The following CHRNA2 variants were observed in gnomAD, a reference collection of about 807,000 sequenced individuals.
CHRNA2 encodes neuronal acetylcholine receptor subunit alpha-2.
CHRNA2 carries 40 observed loss-of-function variants against 45.5 expected under a neutral mutation model. The observed-to-expected ratio is 0.88, with a 90% confidence interval of 0.68 to 1.15. The LOEUF (loss-of-function observed/expected upper bound fraction) is 1.15, where lower values mean the gene tolerates loss of function less well. Ranked by LOEUF, CHRNA2 falls within the 50% of genes most tolerant of loss-of-function variation. The pLI is 0.00. For missense variants in CHRNA2, 655 were observed against 701.7 expected (o/e 0.93, Z 0.75); for synonymous variants, 301 against 296.7 (o/e 1.01, Z -0.15).
At position 27,472,932 on chromosome 8, in the gene CHRNA2, AG is replaced by A. The variant is rs1161136062; in HGVS notation, c.-136-1739del. Among the ~76,000 whole-genome samples the A allele has an allele frequency of 6.6e-5, 10 of 152,348 alleles. 1 individual carries two copies. Among genetic ancestry groups the A allele is most frequent in the South Asian group, 6.2e-4 (3 of 4,820 alleles). On this transcript the variant is annotated intron_variant, in intron 1 of 6. Transcript: ENST00000407991. ...CCAAACATGGAGAATCAATACACAA[AG>A]GGTTCTAGTGACCAGAAGGACACAG... is the stretch of plus-strand genomic sequence containing the variant.
At chr8:27,474,619 G>A (rs1330594052) in intron 1 of CHRNA2, among the ~76,000 whole-genome samples, 1 of 152,252 alleles carries the variant, frequency 6.6e-6, no homozygotes, top group Admixed American at 6.5e-5. Context: ...AGGGGGAGAA[G>A]CAGGGAGTCC....
chr8:27,465,233 C>A (rs779942070), intron 5 of CHRNA2, among the ~76,000 whole-genome samples: 3 of 152,118 alleles, frequency 2.0e-5, no homozygotes, highest in Non-Finnish European at 4.4e-5. Flanking sequence ...CAGGAGGTGG[C>A]TCGGTGGGCT....
rs1026907611 is a variant in CHRNA2 at position 27,466,842 on chromosome 8, C to T, written c.449+387G>A. On this transcript the variant is annotated intron_variant, in intron 5 of 6. Coordinates refer to ENST00000407991, the MANE Select transcript of CHRNA2 (RefSeq NM_000742.4). ...AAAAGGAAACTGCATACCAAGTGAGCACATGCCCTTTGAAGGTGCTGGCCC... is the reference window on the plus strand; with the variant it reads ...AAAAGGAAACTGCATACCAAGTGAGTACATGCCCTTTGAAGGTGCTGGCCC... Among the ~76,000 whole-genome samples the T allele has an allele frequency of 1.6e-4, 24 of 152,170 alleles. 1 individual carries two copies. Among genetic ancestry groups the T allele is most frequent in the Non-Finnish European group, 1.0e-4 (7 of 68,040 alleles).
intron 5 of CHRNA2, among the ~76,000 whole-genome samples, chr8:27,465,360 TCC>T (rs140942802): frequency 6.6e-6 from 1 of 152,124 alleles, no homozygotes; most frequent in East Asian, 1.9e-4. Flanking sequence ...ATGGAGTAGT[TCC>T]ATGGTAGAGA....
Position 27,473,834 on chromosome 8 carries a change from A to G in CHRNA2, c.-136-2640T>C, listed in dbSNP as rs571764482. ...CCGTCCACTCTGACACAGACTCTCA[A>G]CAGTGTTTCCAGCATCACTAATCCT... On this transcript the variant is annotated intron_variant, in intron 1 of 6. Coordinates refer to ENST00000407991, the MANE Select transcript of CHRNA2 (RefSeq NM_000742.4). Among the ~76,000 whole-genome samples the G allele has an allele frequency of 2.6e-5, 4 of 152,300 alleles. No individual in the cohort carries two copies. In the East Asian group the frequency reaches 7.7e-4, roughly 29 times the overall value.
Position 27,463,912 on chromosome 8 carries a change from G to C in CHRNA2, c.531C>G (p.Ala177=). 6.2e-7 allele frequency: 1 copy of C among 1,614,218 alleles called. No homozygotes were observed. The highest frequency in any genetic ancestry group is 8.5e-7 in the Non-Finnish European group (1 of 1,180,038). The change falls in exon 6 of 7, where the codon GCC becomes GCG. Residue 177 remains alanine (A), a synonymous_variant. Transcript: ENST00000407991. This position sits in a 1 kb window ranked among gnomAD's most constrained non-coding sequence, Gnocchi z 6.1. ...CGATGCTGCAGGAGCTCTTGTAGAT[G>C]GCCGGGGGCACCCAGTGCACAGTGC... ...STGTVHWVPP[A]IYKSSCSIDV...
Position 27,461,651 on chromosome 8 carries a change from G to C in CHRNA2, c.1568C>G (p.Pro523Arg). The change falls in exon 7 of 7, where the codon CCG (proline) becomes CGG (arginine). Residue 523 changes from proline (P) to arginine (R), a missense_variant. Physicochemically the swap from Pro to Arg is moderately radical, Grantham distance 103 (BLOSUM62 -2). Transcript: ENST00000407991. ...CAGTCAGATCATTCCAGCTAGGAAC[G>C]GAGGCAGAAAGAGGCCGATGGTCCC... ...FLGTIGLFLP[P>R]FLAGMI The C allele has an allele frequency of 6.2e-7, 1 of 1,614,242 alleles. No individual in the cohort carries two copies.
Position 27,463,282 on chromosome 8 carries a change from C to A in CHRNA2, c.1161G>T (p.Val387=). 2 of 1,608,552 alleles carry A rather than the reference C, an allele frequency of 1.2e-6. No homozygotes were observed. Among genetic ancestry groups the A allele is most frequent in the Middle Eastern group, 1.7e-4 (1 of 6,030 alleles). The stretch of plus-strand genomic sequence containing the variant: ...TCAGGCGTAGGGGGTGGCAGAGCTC[C>A]ACGGGTGGTGGGGGCCGGTTCATCA... ...WLLMNRPPPP[V]ELCHPLRLKL... is the part of the protein sequence containing the mutation. Residue 387 remains valine, a synonymous_variant, in exon 6 of 7, where the codon GTG becomes GTT. Transcript: ENST00000407991. The surrounding 1 kb of genome is among the most constrained non-coding windows in gnomAD (Gnocchi z 6.1).
intron 1 of CHRNA2, among the ~76,000 whole-genome samples, chr8:27,473,523 G>GGCC (rs1563325463): frequency 1.2e-5 from 1 of 82,718 alleles, no homozygotes; most frequent in Admixed American, 1.2e-4. Flanking sequence ...AACATAGTGA[G>GGCC]ACCCCCCCCG....
intron 2 of CHRNA2, 190 bp from the exon 3 acceptor site, chr8:27,470,171 T>G (rs1189488528): frequency 3.0e-6 from 2 of 662,946 alleles, no homozygotes; most frequent in South Asian, 1.7e-5. Context: ...TTTGTGATGT[T>G]AGAGAAGAAA....
chr8:27,468,613 C>T (rs767699610), intron 4 of CHRNA2, among the ~76,000 whole-genome samples: 2 of 152,172 alleles, frequency 1.3e-5, no homozygotes, highest in Non-Finnish European at 2.9e-5. Context: ...TCTGAGGATG[C>T]CTGAAGGGGG....
chr8:27,461,700 G>GC lies in CHRNA2; in HGVS notation c.1518dup (p.Leu507AlafsTer38). On this transcript the variant is annotated frameshift_variant, in exon 7 of 7. Transcript: ENST00000407991. LOFTEE classifies it high-confidence loss of function. ...CCCAGGAAGCAGACGATGATAAACAGCCAGAGGAAGATCCTGTCGATGACC... is the reference window on the plus strand; with the variant it reads ...CCCAGGAAGCAGACGATGATAAACAGCCCAGAGGAAGATCCTGTCGATGACC... The GC allele has an allele frequency of 6.2e-7, 1 of 1,614,256 alleles. No homozygotes were observed. The highest frequency in any genetic ancestry group is 8.5e-7 in the Non-Finnish European group (1 of 1,180,032).
Position 27,473,072 on chromosome 8 carries a change from A to AAT in CHRNA2, c.-136-1880_-136-1879dup, listed in dbSNP as rs57577570. Among the ~76,000 whole-genome samples, 805 of 151,428 alleles carry AAT rather than the reference A, an allele frequency of 5.3e-3. 5 individuals are homozygous for AAT. The highest frequency in any genetic ancestry group is 0.018 in the African/African-American group (751 of 41,390). ...ATTTTATAGAGTATTTGATTTAAAA[A>AAT]ATATATATATATATCACTAAAATAA... On this transcript the variant is annotated intron_variant, in intron 1 of 6. Transcript: ENST00000407991.
intron 2 of CHRNA2, among the ~76,000 whole-genome samples, chr8:27,470,397 C>T (rs538416527): frequency 1.3e-5 from 2 of 152,320 alleles, no homozygotes; most frequent in East Asian, 3.9e-4. Context: ...TTCCCACCCA[C>T]TTGTCCGATG....
At chr8:27,470,504 A>G (rs2565065) in intron 2 of CHRNA2, among the ~76,000 whole-genome samples, 119,655 of 152,250 alleles carry the variant, frequency 0.79, 47,887 homozygotes, top group African/African-American at 0.94. Context: ...GATAAACAAA[A>G]CTTTTCAAAA....
chr8:27,463,939 C>T lies in CHRNA2; in HGVS notation c.504G>A (p.Thr168=), dbSNP rs1247001566. ...CCGGGGGCACCCAGTGCACAGTGCCCGTGGAGAAGAGGTGGGCCTTGGTCA... is the reference window on the plus strand; with the variant it reads ...CCGGGGGCACCCAGTGCACAGTGCCTGTGGAGAAGAGGTGGGCCTTGGTCA... ...THMTKAHLFS[T]GTVHWVPPAI... Residue 168 remains threonine, a synonymous_variant, in exon 6 of 7, where the codon ACG becomes ACA. Transcript: ENST00000407991. The surrounding 1 kb of genome is among the most constrained non-coding windows in gnomAD (Gnocchi z 6.1). 1.9e-6 allele frequency: 3 copies of T among 1,614,160 alleles called. No homozygotes were observed. The highest frequency in any genetic ancestry group is 2.2e-5 in the South Asian group (2 of 91,076).
At chr8:27,473,737 C>T (rs188742537) in intron 1 of CHRNA2, among the ~76,000 whole-genome samples, 61 of 152,192 alleles carry the variant, frequency 4.0e-4, no homozygotes, top group Non-Finnish European at 6.5e-4. Context: ...AGTAAACCAC[C>T]GGGTATGAGA....
chr8:27,469,337 G>C lies in CHRNA2; in HGVS notation c.337C>G (p.Gln113Glu). The change falls in exon 4 of 7, where the codon CAG becomes GAG. Residue 113 changes from glutamine (Q) to glutamate (E), a missense_variant and splice_region_variant. Coordinates refer to ENST00000407991, the MANE Select transcript of CHRNA2 (RefSeq NM_000742.4). ...GACTGGAGGAGGGGGGCCCTCACCT[G>C]TTTTAGCCAGACGTTGGTGGTCATC... is the stretch of plus-strand genomic sequence containing the variant. ...QMMTTNVWLK[Q>E]EWSDYKLRWN... The C allele has an allele frequency of 6.4e-7, 1 of 1,555,618 alleles. No individual in the cohort carries two copies. Among genetic ancestry groups the C allele is most frequent in the Non-Finnish European group, 8.7e-7 (1 of 1,148,936 alleles).
chr8:27,467,191 C>T, intron 5 of CHRNA2, 38 bp downstream of exon 5: 1 of 1,549,394 alleles, frequency 6.5e-7, no homozygotes, highest in Non-Finnish European at 8.9e-7. Flanking sequence ...TGCAAGTTGG[C>T]CTCCCCTCAT....
Sources: allele counts gnomAD v4.1 joint callset (sites outside exome capture counted in the v4.1 genomes callset), GRCh38; gene constraint gnomAD v4.1.1; non-coding constraint Gnocchi (gnomAD v3.1); transcripts MANE v1.5; gene names NCBI Gene and HGNC (gene_info 2026-07-23, HGNC 2026-07-21).